ARHGEF6: variants seen among roughly 807,000 people sequenced by gnomAD.
ARHGEF6 encodes the protein rho guanine nucleotide exchange factor 6.
ARHGEF6 carries 9 observed loss-of-function variants against 70.3 expected under a neutral mutation model. The ratio of observed to expected loss-of-function variants is 0.13; its 90% CI spans 0.08 to 0.22. The LOEUF (loss-of-function observed/expected upper bound fraction) is 0.22. Among genes scored for constraint, ARHGEF6 ranks in the 10% least tolerant of loss-of-function variants. The pLI is 1.00. For missense variants in ARHGEF6, 470 were observed against 563.0 expected, an observed-to-expected ratio of 0.83 and a Z score of 1.67; for synonymous variants, 201 against 207.8, an observed-to-expected ratio of 0.97 and a Z score of 0.28.
intron 3 of ARHGEF6, among the ~76,000 whole-genome samples, chrX:136,746,663 C>A (rs2077097994): frequency 8.9e-6 from 1 of 111,848 alleles, no homozygotes; most frequent in African/African-American, 3.3e-5. Context: ...GTTTGAGCAG[C>A]AAGCCTCGTG....
intron 9 of ARHGEF6, among the ~76,000 whole-genome samples, chrX:136,701,230 G>C: frequency 9.0e-6 from 1 of 111,673 alleles, no homozygotes; most frequent in Non-Finnish European, 1.9e-5. Flanking sequence ...CAAGAATTTT[G>C]CAAAATTATT....
chrX:136,694,220 T>C (rs2076487785), intron 9 of ARHGEF6, among the ~76,000 whole-genome samples: 1 of 111,300 alleles, frequency 9.0e-6, no homozygotes, highest in Non-Finnish European at 1.9e-5. Context: ...ATCCGGCTAA[T>C]TTTTGTGCTT....
chrX:136,690,533 G>A, intron 10 of ARHGEF6, 77 bp downstream of exon 10: 2 of 1,141,380 alleles, frequency 1.8e-6, no homozygotes, highest in Non-Finnish European at 2.4e-6. Context: ...GGCCATTTTG[G>A]AGGCAAATTG....
intron 17 of ARHGEF6, among the ~76,000 whole-genome samples, chrX:136,677,562 G>T (rs1402587536): frequency 9.0e-6 from 1 of 110,936 alleles, no homozygotes; most frequent in Admixed American, 9.6e-5. Context: ...CATGGAGCAT[G>T]GATATTAATT....
At chrX:136,717,710 G>A (rs1380238386) in intron 6 of ARHGEF6, among the ~76,000 whole-genome samples, 1 of 111,466 alleles carries the variant, frequency 9.0e-6, no homozygotes, top group Admixed American at 9.5e-5. Context: ...TCATACAAGG[G>A]ATGGGAGGTA....
chrX:136,693,121 C>T (rs2076475285), intron 9 of ARHGEF6, among the ~76,000 whole-genome samples: 1 of 111,921 alleles, frequency 8.9e-6, no homozygotes, highest in African/African-American at 3.2e-5. Context: ...TAAATGACTG[C>T]CCGCATCCTC....
intron 4 of ARHGEF6, 113 bp downstream of exon 4, chrX:136,745,110 G>C (rs1001304275): frequency 9.9e-7 from 1 of 1,007,677 alleles, no homozygotes; most frequent in South Asian, 1.9e-5. Flanking sequence ...AGTTTTCTCA[G>C]TGATGCCCAA....
At chrX:136,687,876 T>G in intron 11 of ARHGEF6, 56 bp downstream of exon 11, 1 of 1,014,776 alleles carries the variant, frequency 9.9e-7, no homozygotes, top group African/African-American at 1.9e-5. Flanking sequence ...CACAAATCGC[T>G]CTTTCAGGAA....
chrX:136,694,543 G>A (rs534878735), intron 9 of ARHGEF6, among the ~76,000 whole-genome samples: 1 of 111,655 alleles, frequency 9.0e-6, no homozygotes, highest in South Asian at 3.8e-4. Flanking sequence ...AGAGTGGAGA[G>A]AACTAACAAG....
chrX:136,715,836 T>C (rs867085134), intron 6 of ARHGEF6, among the ~76,000 whole-genome samples: 1 of 112,475 alleles, frequency 8.9e-6, no homozygotes, highest in Non-Finnish European at 1.9e-5. Flanking sequence ...CCTTTTTGAA[T>C]ATGCCAGAGC....
chrX:136,699,592 A>G (rs1417716006), intron 9 of ARHGEF6, among the ~76,000 whole-genome samples: 1 of 111,173 alleles, frequency 9.0e-6, no homozygotes, highest in Non-Finnish European at 1.9e-5. Flanking sequence ...CCACCTCAAA[A>G]TCTGGAGAAA....
At chrX:136,686,402 CTTTG>C (rs1456427822) in intron 11 of ARHGEF6, among the ~76,000 whole-genome samples, 1 of 107,688 alleles carries the variant, frequency 9.3e-6, no homozygotes, top group Non-Finnish European at 1.9e-5. Flanking sequence ...CACTGCTGTA[CTTTG>C]TTTAAGGACC....
At chrX:136,703,146 G>T (rs1569400691) in intron 9 of ARHGEF6, among the ~76,000 whole-genome samples, 1 of 111,908 alleles carries the variant, frequency 8.9e-6, no homozygotes, top group Non-Finnish European at 1.9e-5. Context: ...AAATAGGCAT[G>T]AATCTACATG....
intron 9 of ARHGEF6, 99 bp from the exon 10 acceptor site, chrX:136,690,847 C>A: frequency 1.0e-6 from 1 of 990,140 alleles, no homozygotes; most frequent in Non-Finnish European, 1.4e-6. Flanking sequence ...AATATAAAGC[C>A]AAATAAAAAT....
chrX:136,701,116 A>C (rs1409928750), intron 9 of ARHGEF6, among the ~76,000 whole-genome samples: 1 of 111,977 alleles, frequency 8.9e-6, no homozygotes, highest in Non-Finnish European at 1.9e-5. Context: ...AGAATACACA[A>C]AAACTGTGGA....
At chrX:136,676,940 G>A (rs917090973) in intron 17 of ARHGEF6, among the ~76,000 whole-genome samples, 2 of 112,592 alleles carry the variant, frequency 1.8e-5, no homozygotes, top group South Asian at 7.4e-4. Flanking sequence ...ACAGAGGTGG[G>A]ACTAAGAGTG....
chrX:136,761,350 A>G (rs921011567), intron 2 of ARHGEF6, among the ~76,000 whole-genome samples: 17 of 112,256 alleles, frequency 1.5e-4, no homozygotes, highest in African/African-American at 5.5e-4. Context: ...AAAAGTTCCA[A>G]TCTCTGTTCC....
intron 8 of ARHGEF6, among the ~76,000 whole-genome samples, chrX:136,707,936 A>G (rs1854521247): frequency 8.9e-6 from 1 of 111,993 alleles, no homozygotes; most frequent in Non-Finnish European, 1.9e-5. Flanking sequence ...CATCTGGACA[A>G]TCTAGCTAGC....
At chrX:136,703,443 C>T (rs1043329885) in intron 9 of ARHGEF6, among the ~76,000 whole-genome samples, 2 of 112,468 alleles carry the variant, frequency 1.8e-5, no homozygotes, top group South Asian at 3.7e-4. Flanking sequence ...GCAAGTCTAT[C>T]GGTGCCATTT....
Sources: gnomAD v4.1 joint callset for allele counts (sites outside exome capture counted in the v4.1 genomes callset) on GRCh38, gnomAD v4.1.1 for gene constraint, MANE v1.5 for transcripts, NCBI Gene and HGNC (gene_info 2026-07-23, HGNC 2026-07-21) for gene names.